The following SYT7 variants were observed in gnomAD, a reference collection of about 807,000 sequenced individuals.
The protein encoded by SYT7 is synaptotagmin-7.
Under a neutral mutation model 75.1 loss-of-function variants are expected in SYT7, and 29 were observed. The observed-to-expected ratio is 0.39, with a 90% CI of 0.29 to 0.53. The LOEUF (loss-of-function observed/expected upper bound fraction) is 0.53. Ranked by LOEUF, SYT7 falls within the 20% of genes least tolerant of loss-of-function variation. SYT7 has a pLI of 0.77. For missense variants in SYT7, 693 were observed against 953.2 expected (o/e 0.73, Z 3.59); for synonymous variants, 376 against 401.7 (o/e 0.94, Z 0.76).
Position 61,514,581 on chromosome 11 carries a change from T to C in SYT7, c.*4046A>G, listed in dbSNP as rs1173032699. On this transcript the variant is annotated 3_prime_UTR_variant, in exon 13 of 13. Coordinates refer to ENST00000539008, the MANE Select transcript of SYT7 (RefSeq NM_001365809.2). ...GAAGTACCCTGAGAGCTGCGGGGGC[T>C]CAGCTTCCCCTGGGCTGGGTGGGGA... Among the ~76,000 whole-genome samples, 1 of 152,066 alleles carries C rather than the reference T, an allele frequency of 6.6e-6. No homozygotes were observed. The highest frequency in any genetic ancestry group is 1.5e-5 in the Non-Finnish European group (1 of 67,986).
rs554431983 is a variant in SYT7 at position 61,572,125 on chromosome 11, G to T, written c.31+8665C>A. Among the ~76,000 whole-genome samples the T allele has an allele frequency of 8.1e-4, 124 of 152,236 alleles. No individual in the cohort carries two copies. The Middle Eastern group carries it at 0.01, about 13-fold the overall frequency. On this transcript the variant is annotated intron_variant, in intron 1 of 12. Coordinates refer to ENST00000539008, the MANE Select transcript of SYT7 (RefSeq NM_001365809.2). ...GAGGGAGGAATGAGGTTGGGGGGGG[G>T]GCACACAGACAATTCATCAGGCTCC...
intron 8 of SYT7, among the ~76,000 whole-genome samples, chr11:61,531,720 C>T (rs2062714954): frequency 2.0e-5 from 3 of 151,862 alleles, no homozygotes; most frequent in Non-Finnish European, 2.9e-5. Flanking sequence ...ATGGTGAAAC[C>T]CCGTCTCTAC....
intron 8 of SYT7, among the ~76,000 whole-genome samples, chr11:61,529,616 C>A (rs1177374384): frequency 6.6e-6 from 1 of 152,180 alleles, no homozygotes; most frequent in Non-Finnish European, 1.5e-5. Context: ...AGGTGAAAAG[C>A]GTCGGAATCA....
intron 1 of SYT7, among the ~76,000 whole-genome samples, chr11:61,559,039 C>G (rs1222048949): frequency 6.6e-6 from 1 of 152,070 alleles, no homozygotes; most frequent in African/African-American, 2.4e-5. Context: ...CCACTGTGCC[C>G]AGCCCCACCT....
At chr11:61,560,807 T>C (rs1407941027) in intron 1 of SYT7, among the ~76,000 whole-genome samples, 1 of 152,110 alleles carries the variant, frequency 6.6e-6, no homozygotes, top group South Asian at 2.1e-4. Context: ...ACAAAGCCCA[T>C]GGGCAGCCCT....
At chr11:61,536,931 C>T (rs1247837646) in intron 7 of SYT7, among the ~76,000 whole-genome samples, 1 of 152,242 alleles carries the variant, frequency 6.6e-6, no homozygotes, top group Admixed American at 6.5e-5. Flanking sequence ...TGCCCCAGCC[C>T]AAAGGCCTGT....
Position 61,572,298 on chromosome 11 carries a change from A to G in SYT7, c.31+8492T>C, listed in dbSNP as rs190547881. 3.0e-3 allele frequency among the ~76,000 whole-genome samples: 463 copies of G among 152,344 alleles called. 6 individuals carry two copies. In the South Asian group the frequency reaches 0.038, roughly 13 times the overall value. ...GAGACTCCCCTCCACTCCAGGAAGA[A>G]CAAAGGCTTTAGGGGATACCCTAGA... On this transcript the variant is annotated intron_variant, in intron 1 of 12. Coordinates refer to ENST00000539008, the MANE Select transcript of SYT7 (RefSeq NM_001365809.2).
intron 12 of SYT7, among the ~76,000 whole-genome samples, chr11:61,522,187 CTT>C (rs60616538): frequency 0.042 from 4,778 of 114,084 alleles, 101 homozygotes; most frequent in African/African-American, 0.066. Context: ...GAAGAGATCA[CTT>C]TTTTTTTTTT....
intron 6 of SYT7, among the ~76,000 whole-genome samples, 155 bp from the exon 7 acceptor site, chr11:61,538,421 G>A (rs1311713470): frequency 2.4e-4 from 37 of 151,804 alleles, no homozygotes; most frequent in Admixed American, 2.4e-3. Context: ...CAAAGAGAGA[G>A]AAGAAAAAAG....
chr11:61,523,758 A>G lies in SYT7; in HGVS notation c.1756+69T>C. On this transcript the variant is annotated intron_variant, in intron 11 of 12. Coordinates refer to ENST00000539008, the MANE Select transcript of SYT7 (RefSeq NM_001365809.2). The surrounding 1 kb of genome is among the most constrained non-coding windows in gnomAD (Gnocchi z 5.0). ...GACCACTGCAGACCCTGCTCTCCAC[A>G]TCCGGTGTAAACCTTGTGTCACCAG... 6.8e-7 allele frequency: 1 copy of G among 1,471,630 alleles called. No individual in the cohort carries two copies. Among genetic ancestry groups the G allele is most frequent in the Non-Finnish European group, 9.4e-7 (1 of 1,058,250 alleles). 91.2% of individuals were successfully genotyped at this position (1,471,630 alleles called of 1,614,324 possible).
At chr11:61,536,333 G>T (rs2135186450) in intron 7 of SYT7, among the ~76,000 whole-genome samples, 2 of 152,312 alleles carry the variant, frequency 1.3e-5, no homozygotes, top group African/African-American at 4.8e-5. Flanking sequence ...AATGGAGCCG[G>T]TTCATTAACA....
At chr11:61,567,286 C>CT (rs1180578028) in intron 1 of SYT7, among the ~76,000 whole-genome samples, 2 of 152,174 alleles carry the variant, frequency 1.3e-5, no homozygotes, top group Non-Finnish European at 2.9e-5. Context: ...GCCGTTCTAT[C>CT]ATATTCAGGG....
chr11:61,554,946 G>A (rs1041649821), intron 2 of SYT7, among the ~76,000 whole-genome samples: 13 of 152,224 alleles, frequency 8.5e-5, no homozygotes, highest in African/African-American at 3.1e-4. Context: ...ATGCTCCCAA[G>A]TCCTCAGTTT....
intron 12 of SYT7, among the ~76,000 whole-genome samples, chr11:61,522,645 C>T (rs1210492113): frequency 2.6e-5 from 4 of 152,134 alleles, no homozygotes; most frequent in Admixed American, 6.5e-5. Context: ...GGTTGTTTAT[C>T]GGCAGATGGA....
intron 1 of SYT7, among the ~76,000 whole-genome samples, chr11:61,567,194 T>C (rs568257275): frequency 6.6e-6 from 1 of 152,346 alleles, no homozygotes; most frequent in East Asian, 1.9e-4. Context: ...CTTCCAGTTG[T>C]GTGACCTCAG....
chr11:61,577,068 C>T (rs2064103602), intron 1 of SYT7, among the ~76,000 whole-genome samples: 1 of 152,212 alleles, frequency 6.6e-6, no homozygotes, highest in Non-Finnish European at 1.5e-5. Context: ...TCTCCCTCCC[C>T]ACTATGCCCC....
rs1050753063 is a variant in SYT7 at position 61,546,111 on chromosome 11, C to G, written c.492G>C (p.Pro164=). 6.5e-7 allele frequency: 1 copy of G among 1,530,022 alleles called. No individual in the cohort carries two copies. Among genetic ancestry groups the G allele is most frequent in the Non-Finnish European group, 8.7e-7 (1 of 1,144,446 alleles). 94.8% of individuals were successfully genotyped at this position (1,530,022 alleles called of 1,614,324 possible). ...LRSGGAAPSE[P]GSGGKAGRGR... ...CTCTCCCCGCCTTGCCACCGCTGCC[C>G]GGCTCGCTGGGGGCAGCCCCGCCGC... Residue 164 remains proline (P), a synonymous_variant, in exon 5 of 13, where the codon CCG becomes CCC. Coordinates refer to ENST00000539008, the MANE Select transcript of SYT7 (RefSeq NM_001365809.2). This position sits in a 1 kb window ranked among gnomAD's most constrained non-coding sequence, Gnocchi z 7.6.
chr11:61,570,145 G>A (rs2063883314), intron 1 of SYT7, among the ~76,000 whole-genome samples: 1 of 152,246 alleles, frequency 6.6e-6, no homozygotes, highest in African/African-American at 2.4e-5. Context: ...GCCTGTCCAA[G>A]GTCAAGTGAG....
rs2064218130 is a variant in SYT7 at position 61,580,298 on chromosome 11, C to T, written c.31+492G>A. ...GCCCAGCTGCCGCACCAGATTCCCACTTGCCCCCTGGCACCCTCTCAATTC... is the reference window on the plus strand; with the variant it reads ...GCCCAGCTGCCGCACCAGATTCCCATTTGCCCCCTGGCACCCTCTCAATTC... On this transcript the variant is annotated intron_variant, in intron 1 of 12. Transcript: ENST00000539008. This position sits in a 1 kb window ranked among gnomAD's most constrained non-coding sequence, Gnocchi z 6.1. 6.6e-6 allele frequency among the ~76,000 whole-genome samples: 1 copy of T among 152,114 alleles called. No individual in the cohort carries two copies. Among genetic ancestry groups the T allele is most frequent in the Non-Finnish European group, 1.5e-5 (1 of 68,012 alleles).
Sources: allele counts gnomAD v4.1 joint callset (sites outside exome capture counted in the v4.1 genomes callset), GRCh38; gene constraint gnomAD v4.1.1; non-coding constraint Gnocchi (gnomAD v3.1); transcripts MANE v1.5; gene names NCBI Gene and HGNC (gene_info 2026-07-23, HGNC 2026-07-21).